KLHL32: variants seen among roughly 807,000 people sequenced by gnomAD.
The protein encoded by KLHL32 is kelch like family member 32.
KLHL32 carries 35 observed loss-of-function variants against 64.8 expected under a neutral mutation model. The ratio of observed to expected loss-of-function variants is 0.54; its 90% CI spans 0.41 to 0.72. The LOEUF is 0.72. Among genes scored for constraint, KLHL32 ranks in the 30% least tolerant of loss-of-function variants. KLHL32 has a pLI of 0.00. For missense variants in KLHL32, 589 were observed against 768.5 expected (o/e 0.77, Z 2.76); for synonymous variants, 259 against 281.0 (o/e 0.92, Z 0.78).
At chr6:96,974,336 A>G (rs2128042283) in intron 2 of KLHL32, among the ~76,000 whole-genome samples, 1 of 152,284 alleles carries the variant, frequency 6.6e-6, no homozygotes, top group South Asian at 2.1e-4. Flanking sequence ...TTACTATTCC[A>G]TTTCTTGATT....
chr6:97,038,920 G>A (rs537034771), intron 3 of KLHL32, among the ~76,000 whole-genome samples: 46 of 150,888 alleles, frequency 3.0e-4, no homozygotes, highest in East Asian at 1.4e-3. Context: ...GTGAAACCCC[G>A]CTCTACTAAA....
chr6:97,019,470 A>C (rs1225584106), intron 3 of KLHL32, among the ~76,000 whole-genome samples: 9 of 152,224 alleles, frequency 5.9e-5, no homozygotes, highest in Non-Finnish European at 1.3e-4. Context: ...TCTTGCAAAG[A>C]TTAGTCACTG....
intron 1 of KLHL32, among the ~76,000 whole-genome samples, chr6:96,955,646 C>G (rs1191425311): frequency 3.3e-5 from 5 of 152,156 alleles, no homozygotes. Context: ...CTGATAAAGA[C>G]ATACCCGAGG....
intron 2 of KLHL32, among the ~76,000 whole-genome samples, chr6:96,968,508 C>T (rs761520731): frequency 4.6e-5 from 7 of 152,210 alleles, no homozygotes; most frequent in Non-Finnish European, 1.0e-4. Context: ...CTGTCACCAC[C>T]TCAGCCAAGT....
At chr6:97,081,108 A>G (rs1792431437) in intron 5 of KLHL32, among the ~76,000 whole-genome samples, 1 of 152,226 alleles carries the variant, frequency 6.6e-6, no homozygotes. Context: ...AAGAGGGCAC[A>G]GACCACACCT....
chr6:96,979,852 A>T (rs925282355), intron 3 of KLHL32, among the ~76,000 whole-genome samples: 1 of 152,064 alleles, frequency 6.6e-6, no homozygotes, highest in Non-Finnish European at 1.5e-5. Flanking sequence ...GTGTTTTGTA[A>T]TTCTCTTTGT....
At position 97,079,340 on chromosome 6, in the gene KLHL32, G is replaced by T. The variant is rs369239331; in HGVS notation, c.412-5786G>T. On this transcript the variant is annotated intron_variant, in intron 5 of 10. Coordinates refer to ENST00000369261, the MANE Select transcript of KLHL32 (RefSeq NM_052904.4). ...TTGCTGCCTTCACTGGCTTGGGAAG[G>T]GTGGGCTGAAAGGCCACAGGATCAA... 1.5e-4 allele frequency among the ~76,000 whole-genome samples: 23 copies of T among 152,216 alleles called. 1 individual carries two copies. The highest frequency in any genetic ancestry group is 5.3e-4 in the African/African-American group (22 of 41,546).
intron 1 of KLHL32, among the ~76,000 whole-genome samples, chr6:96,945,561 C>T (rs1456273921): frequency 6.6e-6 from 1 of 152,122 alleles, no homozygotes; most frequent in Non-Finnish European, 1.5e-5. Context: ...AAGACCAAGT[C>T]CTAGAAAGAG....
chr6:97,139,062 T>C lies in KLHL32; in HGVS notation c.1702-59T>C. The C allele has an allele frequency of 4.0e-6, 6 of 1,501,294 alleles. No individual in the cohort carries two copies. The South Asian group carries it at 7.7e-5, about 19-fold the overall frequency. 93.0% of individuals were successfully genotyped at this position (1,501,294 alleles called of 1,614,324 possible). On this transcript the variant is annotated intron_variant, in intron 10 of 10. Coordinates refer to ENST00000369261, the MANE Select transcript of KLHL32 (RefSeq NM_052904.4). ...GTTCAGAATTTCTTTTATGTATACA[T>C]AGCTTTATTTTGAGCAGTCATCTTT...
chr6:97,113,663 T>C, intron 6 of KLHL32, 120 bp from the exon 7 acceptor site: 2 of 1,289,158 alleles, frequency 1.6e-6, no homozygotes, highest in Non-Finnish European at 2.1e-6. Context: ...TTATACTGTT[T>C]GTAAGAAAGT....
At chr6:96,938,900 T>C (rs991129287) in intron 1 of KLHL32, among the ~76,000 whole-genome samples, 5 of 152,150 alleles carry the variant, frequency 3.3e-5, no homozygotes, top group African/African-American at 1.2e-4. Flanking sequence ...TTGACTGTTA[T>C]GATATTCTAA....
chr6:97,103,930 G>A (rs1206157), intron 6 of KLHL32, among the ~76,000 whole-genome samples: 107,198 of 152,038 alleles, frequency 0.71, 37,951 homozygotes, highest in South Asian at 0.81. Flanking sequence ...CATAGGTGAC[G>A]TATATCCTAG....
At chr6:96,973,207 A>C (rs978656959) in intron 2 of KLHL32, among the ~76,000 whole-genome samples, 3 of 152,154 alleles carry the variant, frequency 2.0e-5, no homozygotes, top group African/African-American at 7.2e-5. Flanking sequence ...CAGCATCACT[A>C]TTGTTTAAAA....
intron 7 of KLHL32, among the ~76,000 whole-genome samples, chr6:97,117,497 A>G (rs911161832): frequency 1.3e-5 from 2 of 152,178 alleles, no homozygotes; most frequent in Admixed American, 6.5e-5. Flanking sequence ...TGGGGTCAGG[A>G]AATCTTGAAA....
intron 4 of KLHL32, among the ~76,000 whole-genome samples, chr6:97,046,905 G>A (rs536632816): frequency 6.6e-6 from 1 of 152,310 alleles, no homozygotes; most frequent in African/African-American, 2.4e-5. Flanking sequence ...GGTTAACATC[G>A]AGTGTATCTG....
At chr6:96,928,196 G>T (rs1277937577) in intron 1 of KLHL32, among the ~76,000 whole-genome samples, 1 of 152,138 alleles carries the variant, frequency 6.6e-6, no homozygotes, top group Admixed American at 6.5e-5. Flanking sequence ...GTGGAGATCA[G>T]GTCAGTCCCT....
At chr6:96,920,354 CAGG>C (rs1436098989), upstream of KLHL32, among the ~76,000 whole-genome samples, 1 of 152,116 alleles carries the variant, frequency 6.6e-6, no homozygotes, top group East Asian at 1.9e-4. Context: ...TTCCAAAATC[CAGG>C]AGGAGAGAAT....
chr6:96,899,068 A>G, the KLHL32 span, among the ~76,000 whole-genome samples: 1 of 152,226 alleles, frequency 6.6e-6, no homozygotes, highest in Non-Finnish European at 1.5e-5. Context: ...AACTAATGTA[A>G]TCATTAAGTA....
At chr6:96,985,849 G>T (rs556512073) in intron 3 of KLHL32, among the ~76,000 whole-genome samples, 205 of 151,950 alleles carry the variant, frequency 1.3e-3, no homozygotes, top group African/African-American at 4.8e-3. Flanking sequence ...TAGTTTGATT[G>T]TCTGAAGCCT....
Sources: gnomAD v4.1 joint callset for allele counts (sites outside exome capture counted in the v4.1 genomes callset) on GRCh38, gnomAD v4.1.1 for gene constraint, MANE v1.5 for transcripts, NCBI Gene and HGNC (gene_info 2026-07-23, HGNC 2026-07-21) for gene names.